Variants in CSMD1 observed in about 807,000 individuals in gnomAD.
CSMD1 encodes CUB and sushi domain-containing protein 1.
In CSMD1, 213 loss-of-function variants were observed where a neutral mutation model predicts 417.5. The observed-to-expected ratio is 0.51, with a 90% CI of 0.46 to 0.57. CSMD1 has a LOEUF of 0.57. CSMD1 is among the 20% of genes least tolerant of loss of function. The pLI is 0.00. For missense variants in CSMD1, 6,923 were observed against 4,529.7 expected, an observed-to-expected ratio of 1.53 and a Z score of -15.17; for synonymous variants, 2,862 against 1,736.8, an observed-to-expected ratio of 1.65 and a Z score of -16.11.
chr8:2,988,630 A>G (rs1806130323), intron 54 of CSMD1, among the ~76,000 whole-genome samples: 3 of 152,228 alleles, frequency 2.0e-5, no homozygotes, highest in African/African-American at 7.2e-5. Context: ...ATTCCTTCTT[A>G]TGACATCTTC....
intron 10 of CSMD1, among the ~76,000 whole-genome samples, chr8:3,506,214 G>C (rs780404710): frequency 2.4e-4 from 37 of 152,158 alleles, no homozygotes; most frequent in Non-Finnish European, 4.9e-4. Flanking sequence ...CTGTCAGGGA[G>C]ACGGCCCTGG....
At chr8:3,878,843 C>G (rs1283441817) in intron 5 of CSMD1, among the ~76,000 whole-genome samples, 2 of 152,108 alleles carry the variant, frequency 1.3e-5, no homozygotes, top group East Asian at 3.9e-4. Flanking sequence ...TCAAGTGTGT[C>G]CTGGACACAA....
chr8:3,691,827 T>C (rs771637793), intron 7 of CSMD1, among the ~76,000 whole-genome samples: 1 of 152,228 alleles, frequency 6.6e-6, no homozygotes, highest in Non-Finnish European at 1.5e-5. Context: ...TCTAAAAATA[T>C]GATGAAAGAG....
intron 50 of CSMD1, among the ~76,000 whole-genome samples, chr8:3,038,818 T>C (rs1810875386): frequency 6.6e-6 from 1 of 152,214 alleles, no homozygotes; most frequent in African/African-American, 2.4e-5. Context: ...GAAGACGACC[T>C]TAAACCTTAA....
At chr8:4,249,737 C>T (rs902034790) in intron 3 of CSMD1, among the ~76,000 whole-genome samples, 4 of 152,094 alleles carry the variant, frequency 2.6e-5, no homozygotes, top group Non-Finnish European at 4.4e-5. Context: ...TAGCTCAGTA[C>T]TGGAGAACAA....
intron 5 of CSMD1, among the ~76,000 whole-genome samples, chr8:3,918,106 T>C (rs1351984693): frequency 2.6e-5 from 4 of 152,170 alleles, no homozygotes; most frequent in African/African-American, 9.6e-5. Context: ...CAAAGTGCAT[T>C]TATGTTGTTT....
Position 3,584,138 on chromosome 8 carries a change from C to G in CSMD1, c.1222+1998G>C, listed in dbSNP as rs554581678. On this transcript the variant is annotated intron_variant, in intron 9 of 69. Coordinates refer to ENST00000635120, the MANE Select transcript of CSMD1 (RefSeq NM_033225.6). ...TACTAAATTTATTAGAAGTAATAAA[C>G]TTAATAAGAACTAATAAGAACTGAA... 1.7e-3 allele frequency among the ~76,000 whole-genome samples: 255 copies of G among 152,058 alleles called. 1 individual carries two copies. The highest frequency in any genetic ancestry group is 6.1e-3 in the African/African-American group (251 of 41,462).
chr8:3,133,812 C>T (rs1016503368), intron 41 of CSMD1, among the ~76,000 whole-genome samples: 4 of 152,202 alleles, frequency 2.6e-5, no homozygotes, highest in Non-Finnish European at 5.9e-5. Flanking sequence ...CTGCAGCTGC[C>T]TCACAAGTCA....
intron 21 of CSMD1, among the ~76,000 whole-genome samples, chr8:3,357,946 A>G (rs1808901164): frequency 6.6e-6 from 1 of 152,184 alleles, no homozygotes; most frequent in Non-Finnish European, 1.5e-5. Flanking sequence ...TTTTTTAATA[A>G]CGAAATTCTG....
chr8:3,349,831 T>C, intron 21 of CSMD1, among the ~76,000 whole-genome samples: 1 of 138,048 alleles, frequency 7.2e-6, no homozygotes, highest in East Asian at 2.0e-4. Context: ...AAAATATATA[T>C]AATATATCTA....
intron 3 of CSMD1, among the ~76,000 whole-genome samples, chr8:4,414,091 C>T (rs1361040554): frequency 6.6e-6 from 1 of 152,180 alleles, no homozygotes; most frequent in Non-Finnish European, 1.5e-5. Flanking sequence ...TGCTTTAATT[C>T]AGGTGGAGTT....
chr8:3,860,459 G>A (rs1804622911), intron 5 of CSMD1, among the ~76,000 whole-genome samples: 1 of 152,014 alleles, frequency 6.6e-6, no homozygotes, highest in Non-Finnish European at 1.5e-5. Context: ...TTGAATGTAG[G>A]AGTTTGCTAA....
rs1032503911 is a variant in CSMD1 at position 4,109,609 on chromosome 8, G to A, written c.416-77510C>T. On this transcript the variant is annotated intron_variant, in intron 3 of 69. Coordinates refer to ENST00000635120, the MANE Select transcript of CSMD1 (RefSeq NM_033225.6). Reference sequence around the variant, plus strand: ...GCAGGAGCATTTGCCTTTGGATATTGTTGGAATCAAAAGCTCTAGACAACA... The same window carrying A: ...GCAGGAGCATTTGCCTTTGGATATTATTGGAATCAAAAGCTCTAGACAACA... Among the ~76,000 whole-genome samples, 4 of 152,252 alleles carry A rather than the reference G, an allele frequency of 2.6e-5. No individual in the cohort carries two copies. In the South Asian group the frequency reaches 6.2e-4, roughly 24 times the overall value.
In CSMD1 at chr8:4,466,616, T is replaced by C. The variant is rs561961210; in HGVS notation, c.303-46551A>G. On this transcript the variant is annotated intron_variant, in intron 2 of 69. Coordinates refer to ENST00000635120, the MANE Select transcript of CSMD1 (RefSeq NM_033225.6). Reference sequence around the variant, plus strand: ...GTTATTCTAAGAGTTCATAAGCCAGTTCAATTTTTTGACTTTATTTAAATG... The same window carrying C: ...GTTATTCTAAGAGTTCATAAGCCAGCTCAATTTTTTGACTTTATTTAAATG... Among the ~76,000 whole-genome samples, 36 of 152,294 alleles carry C rather than the reference T, an allele frequency of 2.4e-4. No homozygotes were observed. In the South Asian group the frequency reaches 7.2e-3, roughly 31 times the overall value.
intron 1 of CSMD1, among the ~76,000 whole-genome samples, chr8:4,798,122 C>T (rs1177355621): frequency 6.6e-6 from 1 of 152,196 alleles, no homozygotes; most frequent in Non-Finnish European, 1.5e-5. Context: ...AATAACTCAT[C>T]ATTTACATTA....
At position 3,054,874 on chromosome 8, in the gene CSMD1, T is replaced by C. The variant is rs980183983; in HGVS notation, c.7475-2227A>G. ...GGAAGCAACAGATCTGTGGGAAGACTGTTGGCATGTGGAAAATATTCATCT... is the reference window on the plus strand; with the variant it reads ...GGAAGCAACAGATCTGTGGGAAGACCGTTGGCATGTGGAAAATATTCATCT... On this transcript the variant is annotated intron_variant, in intron 49 of 69. Transcript: ENST00000635120. Among the ~76,000 whole-genome samples, 77 of 152,196 alleles carry C rather than the reference T, an allele frequency of 5.1e-4. 1 individual carries two copies. The highest frequency in any genetic ancestry group is 1.7e-3 in the African/African-American group (72 of 41,448).
chr8:3,469,529 T>G (rs532072576), intron 11 of CSMD1, among the ~76,000 whole-genome samples: 2 of 152,160 alleles, frequency 1.3e-5, no homozygotes, highest in Admixed American at 6.5e-5. Context: ...TGTCAGCCAG[T>G]GAAAAGAAAC....
At chr8:3,149,364 A>G (rs1477104715) in intron 40 of CSMD1, among the ~76,000 whole-genome samples, 1 of 152,264 alleles carries the variant, frequency 6.6e-6, no homozygotes, top group Non-Finnish European at 1.5e-5. Flanking sequence ...ATTTGGAAGA[A>G]TAATACAAAA....
chr8:4,386,207 G>T (rs1803442739), intron 3 of CSMD1, among the ~76,000 whole-genome samples: 1 of 151,010 alleles, frequency 6.6e-6, no homozygotes. Context: ...TTCCATCCCT[G>T]GTTATGACTT....
Sources: allele counts gnomAD v4.1 joint callset (sites outside exome capture counted in the v4.1 genomes callset), GRCh38; gene constraint gnomAD v4.1.1; transcripts MANE v1.5; gene names NCBI Gene and HGNC (gene_info 2026-07-23, HGNC 2026-07-21).